Variants in PTPRS observed in about 807,000 individuals in gnomAD.
PTPRS encodes receptor-type tyrosine-protein phosphatase S.
A neutral mutation model predicts 215.3 loss-of-function variants in PTPRS; 63 were observed. That is an observed-to-expected ratio of 0.29 (90% CI 0.24 to 0.36). The LOEUF is 0.36. PTPRS is among the 10% of genes least tolerant of loss of function. The pLI is 1.00. For missense variants in PTPRS, 2,258 were observed against 2,825.8 expected, an observed-to-expected ratio of 0.80 and a Z score of 4.56; for synonymous variants, 1,404 against 1,191.4, an observed-to-expected ratio of 1.18 and a Z score of -3.68.
chr19:5,207,647 C>T (rs1377023225), intron 37 of PTPRS, among the ~76,000 whole-genome samples: 3 of 152,194 alleles, frequency 2.0e-5, no homozygotes, highest in Non-Finnish European at 2.9e-5. Flanking sequence ...TTGGCAGGGT[C>T]CAGGCTGAGC....
At chr19:5,218,728 C>T in intron 24 of PTPRS, 59 bp downstream of exon 24, 2 of 1,594,616 alleles carry the variant, frequency 1.3e-6, no homozygotes, top group Non-Finnish European at 1.7e-6. Context: ...ACACTATCAG[C>T]CCATTCCCTG....
intron 1 of PTPRS, among the ~76,000 whole-genome samples, chr19:5,296,607 G>T (rs1179283380): frequency 1.3e-5 from 2 of 152,020 alleles, no homozygotes; most frequent in African/African-American, 4.8e-5. Flanking sequence ...TCCAGGCAGA[G>T]AGCTCAGTCC....
intron 1 of PTPRS, among the ~76,000 whole-genome samples, chr19:5,292,050 A>G (rs1165456748): frequency 6.6e-6 from 1 of 152,008 alleles, no homozygotes. Context: ...ACCTCTTCCA[A>G]GAAGCCCTCC....
chr19:5,218,833 A>T (rs2041722283), intron 23 of PTPRS, 35 bp from the exon 24 acceptor site: 3 of 1,571,198 alleles, frequency 1.9e-6, no homozygotes, highest in Non-Finnish European at 2.6e-6. Flanking sequence ...GAGAAGGGGG[A>T]AAAAAAGAAG....
At chr19:5,278,886 C>A (rs967322166) in intron 2 of PTPRS, among the ~76,000 whole-genome samples, 1 of 151,800 alleles carries the variant, frequency 6.6e-6, no homozygotes, top group Non-Finnish European at 1.5e-5. Flanking sequence ...TACCGTTGTA[C>A]GATTTTTTAA....
chr19:5,208,523 C>A, intron 35 of PTPRS, 132 bp from the exon 36 acceptor site: 1 of 987,684 alleles, frequency 1.0e-6, no homozygotes, highest in Non-Finnish European at 1.4e-6. Context: ...CTCTTGTCGC[C>A]CAGGTTGGAG....
chr19:5,272,777 G>A (rs2047033806), intron 4 of PTPRS, among the ~76,000 whole-genome samples: 1 of 152,044 alleles, frequency 6.6e-6, no homozygotes, highest in African/African-American at 2.4e-5. Flanking sequence ...ATGTTGCCCA[G>A]TCTAGTCTCA....
intron 17 of PTPRS, among the ~76,000 whole-genome samples, chr19:5,224,370 C>T (rs1038762171): frequency 3.9e-5 from 6 of 152,156 alleles, no homozygotes; most frequent in Non-Finnish European, 5.9e-5. Context: ...CAGAGAACCC[C>T]TCCTCCTTCC....
At chr19:5,324,256 G>GA (rs1406651268) in intron 1 of PTPRS, among the ~76,000 whole-genome samples, 2 of 136,314 alleles carry the variant, frequency 1.5e-5, no homozygotes, top group African/African-American at 2.8e-5. Flanking sequence ...AAAAAAGAAA[G>GA]AAAAAAAGGG....
At chr19:5,320,316 C>T (rs11881004) in intron 1 of PTPRS, among the ~76,000 whole-genome samples, 24,838 of 152,148 alleles carry the variant, frequency 0.16, 2,128 homozygotes, top group African/African-American at 0.19. Context: ...AGGGGGTACA[C>T]GGACCTTGAA....
chr19:5,308,211 G>A (rs2049565714), intron 1 of PTPRS, among the ~76,000 whole-genome samples: 1 of 152,180 alleles, frequency 6.6e-6, no homozygotes, highest in African/African-American at 2.4e-5. Flanking sequence ...CGCCCGGAGG[G>A]CCTGGTTCCC....
intron 11 of PTPRS, 121 bp from the exon 12 acceptor site, chr19:5,240,453 AT>A: frequency 9.5e-7 from 1 of 1,055,124 alleles, no homozygotes; most frequent in South Asian, 2.1e-5. Flanking sequence ...ATGTTCTTTT[AT>A]TTTCCTGGGG....
chr19:5,271,501 G>T (rs561284274), intron 4 of PTPRS, among the ~76,000 whole-genome samples: 1 of 148,056 alleles, frequency 6.8e-6, no homozygotes, highest in African/African-American at 2.5e-5. Context: ...AGGTTCAAAC[G>T]ATCCTCTCCT....
intron 9 of PTPRS, among the ~76,000 whole-genome samples, chr19:5,246,914 C>T (rs541173224): frequency 1.0e-4 from 15 of 150,712 alleles, no homozygotes; most frequent in African/African-American, 3.2e-4. Context: ...AAAGAGAGAG[C>T]GAGCGAGAGA....
rs1188708937 is a variant in PTPRS, at chr19:5,225,710, G to A, written c.2494+17C>T. 2 of 1,603,378 alleles carry A rather than the reference G, an allele frequency of 1.2e-6. No individual in the cohort carries two copies. The highest frequency in any genetic ancestry group is 1.7e-6 in the Non-Finnish European group (2 of 1,170,584). Reference sequence around the variant, plus strand: ...CAAAGGGGCTGTTGGTGGGTGGGAGGAGGGCGGGTTGCATACCTGCTCCCT... The same window carrying A: ...CAAAGGGGCTGTTGGTGGGTGGGAGAAGGGCGGGTTGCATACCTGCTCCCT... On this transcript the variant is annotated intron_variant, in intron 17 of 37. Coordinates refer to ENST00000262963, the MANE Select transcript of PTPRS (RefSeq NM_002850.4).
chr19:5,287,139 C>G lies in PTPRS; in HGVS notation c.-94-905G>C, dbSNP rs1353394356. On this transcript the variant is annotated intron_variant, in intron 1 of 37. Coordinates refer to ENST00000262963, the MANE Select transcript of PTPRS (RefSeq NM_002850.4). This position sits in a 1 kb window ranked among gnomAD's most constrained non-coding sequence, Gnocchi z 4.8. ...TCGCTTGGAGGTACAGCCAGGCCAG[C>G]CAAGCTCAGTCCCACCTCCAAGCCT... is the stretch of plus-strand genomic sequence containing the variant. 6.6e-6 allele frequency among the ~76,000 whole-genome samples: 1 copy of G among 152,104 alleles called. No homozygotes were observed. The highest frequency in any genetic ancestry group is 2.4e-5 in the African/African-American group (1 of 41,398).
In PTPRS at chr19:5,219,470, G is replaced by A. The variant is rs1336005000; in HGVS notation, c.3766-3C>T. ...GAGAAGGGACTGGCTGCAAAGGTCTGCAGGGAAAGGAGGGGGGTCTCCATC... is the reference window on the plus strand; with the variant it reads ...GAGAAGGGACTGGCTGCAAAGGTCTACAGGGAAAGGAGGGGGGTCTCCATC... On this transcript the variant is annotated splice_polypyrimidine_tract_variant and splice_region_variant and intron_variant, in intron 22 of 37. Transcript: ENST00000262963. 17 of 1,567,716 alleles carry A rather than the reference G, an allele frequency of 1.1e-5. No individual in the cohort carries two copies. The highest frequency in any genetic ancestry group is 1.4e-5 in the Non-Finnish European group (16 of 1,158,608).
intron 5 of PTPRS, among the ~76,000 whole-genome samples, chr19:5,264,167 C>CTTTCTTGTCTTTGTCCCATGATGT (rs72425181): frequency 6.6e-6 from 1 of 151,862 alleles, no homozygotes. Context: ...CCGCCATCAC[C>CTTTCTTGTCTTTGTCCCATGATGT]TCTTACTGCT....
At chr19:5,273,150 G>T (rs566066214) in intron 4 of PTPRS, 2 of 444,374 alleles carry the variant, frequency 4.5e-6, no homozygotes, top group Admixed American at 3.6e-5. Context: ...TACCTTTCTC[G>T]CTTGAACCCA....
Sources: gnomAD v4.1 joint callset for allele counts (sites outside exome capture counted in the v4.1 genomes callset) on GRCh38, gnomAD v4.1.1 for gene constraint, Gnocchi (gnomAD v3.1) non-coding constraint, MANE v1.5 for transcripts, NCBI Gene and HGNC (gene_info 2026-07-23, HGNC 2026-07-21) for gene names.